Variants in TSPEAR observed in about 807,000 individuals in gnomAD.
TSPEAR encodes thrombospondin type laminin G domain and EAR repeats, also known as thrombospondin-type laminin G domain and EAR repeat-containing protein.
Under a neutral mutation model 71.6 loss-of-function variants are expected in TSPEAR, and 69 were observed. The ratio of observed to expected loss-of-function variants is 0.96; its 90% confidence interval spans 0.79 to 1.18. The LOEUF is 1.18. TSPEAR is among the 50% of genes most tolerant of loss of function. The probability of loss-of-function intolerance (pLI) is 0.00; values close to 1 mark genes in which losing one functional copy is unlikely to be tolerated. For missense variants in TSPEAR, 971 were observed against 894.9 expected (o/e 1.09, Z -1.09); for synonymous variants, 402 against 387.2 (o/e 1.04, Z -0.45).
At chr21:44,572,771 G>T (rs193024471) in intron 1 of TSPEAR, among the ~76,000 whole-genome samples, 3 of 150,998 alleles carry the variant, frequency 2.0e-5, no homozygotes, top group African/African-American at 7.3e-5. Context: ...AAGTTAAGAG[G>T]AGGCTGTTAG....
At chr21:44,591,203 G>C (rs1374587652) in intron 1 of TSPEAR, 3 of 1,278,576 alleles carry the variant, frequency 2.3e-6, no homozygotes, top group Non-Finnish European at 3.2e-6. Context: ...CTTGGGTCTG[G>C]GGGAGTAGCT....
At position 44,533,797 on chromosome 21, in the gene TSPEAR, G is replaced by A. The variant is rs782159618; in HGVS notation, c.430C>T (p.Arg144Ter). Residue 144 changes from arginine (R) to a stop codon, truncating the protein, a stop_gained, in exon 3 of 12, where the codon CGA (arginine) becomes TGA (stop). Transcript: ENST00000323084. LOFTEE classifies it high-confidence loss of function. The stretch of plus-strand genomic sequence containing the variant: ...AGGGCCGGGCTGCGGAAGGACACTC[G>A]GGTCTGCCAGGCGCCGGCCGTGTCC... ...REDTAGAWQT[R>*]VSFRSPALVD... 16 of 1,612,504 alleles carry A rather than the reference G, an allele frequency of 9.9e-6. No individual in the cohort carries two copies. The Admixed American group carries it at 1.2e-4, about 12-fold the overall frequency.
intron 1 of TSPEAR, among the ~76,000 whole-genome samples, chr21:44,604,249 T>G (rs1981168445): frequency 6.6e-6 from 1 of 152,226 alleles, no homozygotes; most frequent in Non-Finnish European, 1.5e-5. Context: ...GCCATTGACA[T>G]GTTGACTTCT....
At chr21:44,689,335 T>C (rs1162028850) in intron 1 of TSPEAR, among the ~76,000 whole-genome samples, 3 of 151,938 alleles carry the variant, frequency 2.0e-5, no homozygotes, top group Non-Finnish European at 4.4e-5. Context: ...ACCCCGTCTC[T>C]ACTAAAAATA....
In TSPEAR at chr21:44,548,756, C is replaced by T. The variant is rs114919654; in HGVS notation, c.304-14833G>A. On this transcript the variant is annotated intron_variant, in intron 2 of 11. Coordinates refer to ENST00000323084, the MANE Select transcript of TSPEAR (RefSeq NM_144991.3). ...CCCGCTGCACCATTTCCTCTGACGT[C>T]GGTATTCACAGGCACAATTAGGGAC... Among the ~76,000 whole-genome samples the T allele has an allele frequency of 9.5e-3, 1,443 of 152,210 alleles. 27 individuals are homozygous for T. Among genetic ancestry groups the T allele is most frequent in the African/African-American group, 0.033 (1,375 of 41,516 alleles).
intron 11 of TSPEAR, among the ~76,000 whole-genome samples, chr21:44,500,426 G>T (rs2052009193): frequency 6.6e-6 from 1 of 152,236 alleles, no homozygotes; most frequent in Admixed American, 6.5e-5. Flanking sequence ...GGCCGCCAGG[G>T]TTTGCCTTCA....
chr21:44,661,606 G>C (rs1177513923), intron 1 of TSPEAR, among the ~76,000 whole-genome samples: 3 of 152,190 alleles, frequency 2.0e-5, no homozygotes, highest in Non-Finnish European at 4.4e-5. Context: ...ATAAAGAAAG[G>C]AGGTTTAATT....
chr21:44,654,845 G>A (rs587727578), intron 1 of TSPEAR, among the ~76,000 whole-genome samples: 1,254 of 106,340 alleles, frequency 0.012, 12 homozygotes, highest in African/African-American at 0.05. Context: ...TCATTCAGCA[G>A]ACCGTGTGTT....
chr21:44,590,046 G>A (rs1485777951), intron 1 of TSPEAR, among the ~76,000 whole-genome samples: 10 of 151,918 alleles, frequency 6.6e-5, no homozygotes, highest in African/African-American at 2.2e-4. Flanking sequence ...CCCTGGGGAC[G>A]GCTGCTGCTG....
chr21:44,707,611 C>T (rs1988001485), intron 1 of TSPEAR, among the ~76,000 whole-genome samples: 1 of 152,072 alleles, frequency 6.6e-6, no homozygotes, highest in Non-Finnish European at 1.5e-5. Flanking sequence ...AAAGCCCTGG[C>T]CTTATAGTTT....
At position 44,687,341 on chromosome 21, in the gene TSPEAR, A is replaced by C. The variant is rs1438900247; in HGVS notation, c.82+24092T>G. 1.3e-5 allele frequency among the ~76,000 whole-genome samples: 2 copies of C among 152,116 alleles called. No homozygotes were observed. Among genetic ancestry groups the C allele is most frequent in the African/African-American group, 4.8e-5 (2 of 41,422 alleles). ...GCTGAGGGCTCTGAAAGGCAGGCAC[A>C]CTTGTCCCACTGTATCATAACAGAA... On this transcript the variant is annotated intron_variant, in intron 1 of 11. Coordinates refer to ENST00000323084, the MANE Select transcript of TSPEAR (RefSeq NM_144991.3). The surrounding 1 kb of genome is among the most constrained non-coding windows in gnomAD (Gnocchi z 4.4).
At chr21:44,701,753 G>A (rs1423450283) in intron 1 of TSPEAR, among the ~76,000 whole-genome samples, 1 of 95,090 alleles carries the variant, frequency 1.1e-5, no homozygotes, top group Non-Finnish European at 2.6e-5. Context: ...CCCTCCGGCT[G>A]TAAAGCTCAC....
Position 44,648,421 on chromosome 21 carries a change from C to T in TSPEAR, c.82+63012G>A, listed in dbSNP as rs932059061. Among the ~76,000 whole-genome samples, 3 of 152,232 alleles carry T rather than the reference C, an allele frequency of 2.0e-5. No homozygotes were observed. In the East Asian group the frequency reaches 5.8e-4, roughly 29 times the overall value. Reference sequence around the variant, plus strand: ...GTAGCTGAATTTAAACCCACGTGGACTCATAAATCTCTCAGTCTTCCAGAG... The same window carrying T: ...GTAGCTGAATTTAAACCCACGTGGATTCATAAATCTCTCAGTCTTCCAGAG... On this transcript the variant is annotated intron_variant, in intron 1 of 11. Coordinates refer to ENST00000323084, the MANE Select transcript of TSPEAR (RefSeq NM_144991.3).
intron 11 of TSPEAR, among the ~76,000 whole-genome samples, chr21:44,503,534 GCCTTGGTGAGCCCACAGT>G (rs2052101470): frequency 7.5e-6 from 1 of 132,948 alleles, no homozygotes; most frequent in Non-Finnish European, 1.6e-5. Flanking sequence ...GGGGAAGCCG[GCCTTGGTGAGCCCACAGT>G]GGGGAAGCAA....
At chr21:44,525,160 AGTC>A (rs1555914770) in intron 8 of TSPEAR, among the ~76,000 whole-genome samples, 31 of 145,822 alleles carry the variant, frequency 2.1e-4, no homozygotes, top group Middle Eastern at 3.7e-3. Flanking sequence ...GTAGTTAGTC[AGTC>A]AGTCAGTCAG....
chr21:44,659,489 C>T (rs1294761560), intron 1 of TSPEAR, among the ~76,000 whole-genome samples: 1 of 152,116 alleles, frequency 6.6e-6, no homozygotes, highest in Non-Finnish European at 1.5e-5. Flanking sequence ...CACTAATGGC[C>T]TGACAGGAAA....
chr21:44,651,634 G>A (rs1555941455), intron 1 of TSPEAR, among the ~76,000 whole-genome samples: 1 of 152,086 alleles, frequency 6.6e-6, no homozygotes, highest in Non-Finnish European at 1.5e-5. Flanking sequence ...CTTCTGATAA[G>A]GACCCTGTGG....
intron 1 of TSPEAR, among the ~76,000 whole-genome samples, chr21:44,608,862 T>C (rs1332329535): frequency 2.0e-5 from 3 of 152,220 alleles, no homozygotes; most frequent in African/African-American, 7.2e-5. Context: ...AATTCCACTT[T>C]TGGGAGCACA....
In TSPEAR at chr21:44,525,716, G is replaced by A. The variant is rs373393537; in HGVS notation, c.1273C>T (p.Arg425Ter). ...PYQSIATHSA[R>*]DWEAFEVDGE... ...TCCACCTCGAAGGCCTCCCAGTCTC[G>A]GGCGCTGTGTGTGGCAATGCTCTGA... is the stretch of plus-strand genomic sequence containing the variant. Residue 425 changes from arginine to a stop codon, truncating the protein, a stop_gained, in exon 8 of 12, where the codon CGA becomes TGA. Coordinates refer to ENST00000323084, the MANE Select transcript of TSPEAR (RefSeq NM_144991.3). LOFTEE classifies it high-confidence loss of function. 2.4e-5 allele frequency: 38 copies of A among 1,614,160 alleles called. No individual in the cohort carries two copies. The highest frequency in any genetic ancestry group is 3.3e-4 in the Middle Eastern group (2 of 6,062).
Sources: gnomAD v4.1 joint callset for allele counts (sites outside exome capture counted in the v4.1 genomes callset) on GRCh38, gnomAD v4.1.1 for gene constraint, Gnocchi (gnomAD v3.1) non-coding constraint, MANE v1.5 for transcripts, NCBI Gene and HGNC (gene_info 2026-07-23, HGNC 2026-07-21) for gene names.